The following OTOA variants were observed in gnomAD, a reference collection of about 807,000 sequenced individuals.
The protein encoded by OTOA is otoancorin, also known as cancer/testis antigen 108.
In OTOA, 70 loss-of-function variants were observed where a neutral mutation model predicts 110.8. That is an observed-to-expected ratio of 0.63 (90% confidence interval 0.52 to 0.77). The LOEUF (loss-of-function observed/expected upper bound fraction) is 0.77. OTOA is among the 30% of genes least tolerant of loss of function. The probability of loss-of-function intolerance (pLI) is 0.00; values close to 1 mark genes in which losing one functional copy is unlikely to be tolerated. For missense variants in OTOA, 917 were observed against 1,075.8 expected (o/e 0.85, Z 2.06); for synonymous variants, 373 against 431.5 (o/e 0.86, Z 1.68).
intron 22 of OTOA, among the ~76,000 whole-genome samples, chr16:21,738,729 G>C (rs1899430531): frequency 1.3e-5 from 2 of 152,292 alleles, no homozygotes; most frequent in African/African-American, 4.8e-5. Context: ...GGGTTTATAT[G>C]GGTACAGGAT....
chr16:21,714,985 G>A lies in OTOA; in HGVS notation c.1321G>A (p.Val441Met), dbSNP rs771476051. Residue 441 changes from valine (V) to methionine (M), a missense_variant and splice_region_variant, in exon 14 of 29, where the codon GTG becomes ATG. Physicochemically the swap from Val to Met is conservative, Grantham distance 21. Transcript: ENST00000646100. ...LSAKYLAHEK[V>M]LSFYNVSQMG... is the part of the protein sequence containing the mutation. ...GACTGCGCAGCCGCTCCTCTTCCAG[G>A]TGCTGTCTTTCTACAATGTCAGCCA... 1.9e-6 allele frequency: 3 copies of A among 1,614,128 alleles called. No homozygotes were observed. The highest frequency in any genetic ancestry group is 2.2e-5 in the East Asian group (1 of 44,884).
chr16:21,719,539 T>C (rs1898665174), intron 17 of OTOA, 35 bp downstream of exon 17: 1 of 1,571,238 alleles, frequency 6.4e-7, no homozygotes, highest in African/African-American at 1.3e-5. Context: ...TCTAATTCTC[T>C]CTCCCTACCC....
intron 28 of OTOA, among the ~76,000 whole-genome samples, chr16:21,760,074 T>C (rs912230889): frequency 6.6e-6 from 1 of 151,912 alleles, no homozygotes; most frequent in African/African-American, 2.4e-5. Context: ...AGGGCCTAAG[T>C]GAGGGCTGCC....
chr16:21,756,189 C>T (rs1440402019), intron 27 of OTOA, among the ~76,000 whole-genome samples: 7 of 151,616 alleles, frequency 4.6e-5, no homozygotes, highest in Admixed American at 3.3e-4. Flanking sequence ...CCCATTGGAA[C>T]GAGTCACCAA....
At chr16:21,701,153 C>T in intron 11 of OTOA, 126 bp downstream of exon 11, 4 of 1,405,178 alleles carry the variant, frequency 2.8e-6, no homozygotes, top group Non-Finnish European at 4.0e-6. Context: ...TGAATAGTCC[C>T]ATATTTCTCT....
intron 9 of OTOA, among the ~76,000 whole-genome samples, chr16:21,696,785 C>T (rs1045159651): frequency 6.6e-6 from 1 of 151,804 alleles, no homozygotes; most frequent in African/African-American, 2.4e-5. Context: ...CCACATCTGG[C>T]CTCATGTTTC....
Position 21,697,865 on chromosome 16 carries a change from G to A in OTOA, c.830G>A (p.Ser277Asn). ...HLSFEEITKI[S>N]PIEIGLFISY... ...TCGTTTGAAGAAATTACGAAAATTA[G>A]TCCTATAGAAGTAAGTTGGAAAAGT... Residue 277 changes from serine to asparagine, a missense_variant, in exon 10 of 29, where the codon AGT becomes AAT. Ser to Asn is a conservative substitution (Grantham distance 46). This residue lies in a region of OTOA where 840 missense variants were observed against 910.2 expected (regional missense o/e 0.92). Transcript: ENST00000646100. 1 of 1,613,636 alleles carries A rather than the reference G, an allele frequency of 6.2e-7. No homozygotes were observed. The highest frequency in any genetic ancestry group is 8.5e-7 in the Non-Finnish European group (1 of 1,179,632).
intron 1 of OTOA, among the ~76,000 whole-genome samples, chr16:21,676,722 GTAT>G (rs1251474935): frequency 6.6e-6 from 1 of 152,158 alleles, no homozygotes; most frequent in African/African-American, 2.4e-5. Flanking sequence ...TCCTCTCCAA[GTAT>G]TCTTCTTATG....
intron 1 of OTOA, among the ~76,000 whole-genome samples, chr16:21,667,323 A>G (rs1262604244): frequency 2.0e-5 from 3 of 152,196 alleles, no homozygotes; most frequent in Non-Finnish European, 4.4e-5. Flanking sequence ...CATTTGCATA[A>G]CAAGTTAGAC....
intron 12 of OTOA, among the ~76,000 whole-genome samples, chr16:21,708,552 A>G (rs1898261977): frequency 6.6e-6 from 1 of 152,106 alleles, no homozygotes; most frequent in Non-Finnish European, 1.5e-5. Context: ...GGTGTTGCAG[A>G]TGCCGCTGGG....
Position 21,719,451 on chromosome 16 carries a change from C to T in OTOA, c.1753C>T (p.Leu585=). The change falls in exon 17 of 29, where the codon CTG becomes TTG. Residue 585 remains leucine (L), a synonymous_variant. Coordinates refer to ENST00000646100, the MANE Select transcript of OTOA (RefSeq NM_144672.4). The part of the protein sequence containing the change: ...HIDAMSTDFF[L]AHFQDFQNNF... The stretch of plus-strand genomic sequence containing the variant: ...TGATGCCATGAGCACTGACTTCTTT[C>T]TGGCCCATTTCCAGGATTTTCAGAA... 1 of 1,614,192 alleles carries T rather than the reference C, an allele frequency of 6.2e-7. No individual in the cohort carries two copies. Among genetic ancestry groups the T allele is most frequent in the Non-Finnish European group, 8.5e-7 (1 of 1,180,040 alleles).
intron 9 of OTOA, among the ~76,000 whole-genome samples, chr16:21,692,812 C>G (rs772413512): frequency 1.3e-5 from 2 of 149,414 alleles, no homozygotes; most frequent in Non-Finnish European, 3.0e-5. Context: ...TCTGTAATCC[C>G]AGCTATTTGG....
At chr16:21,705,324 TG>T in intron 12 of OTOA, 32 bp downstream of exon 12, 1 of 1,612,964 alleles carries the variant, frequency 6.2e-7, no homozygotes, top group Non-Finnish European at 8.5e-7. Flanking sequence ...CTGAGGCCTC[TG>T]CCTCAGTGTC....
chr16:21,687,031 C>T (rs1897728659), intron 7 of OTOA, among the ~76,000 whole-genome samples: 1 of 152,266 alleles, frequency 6.6e-6, no homozygotes, highest in East Asian at 1.9e-4. Context: ...CCTGGGGCCA[C>T]ATAAGGGAGG....
At chr16:21,664,863 T>A (rs929184884) in intron 1 of OTOA, among the ~76,000 whole-genome samples, 1 of 151,834 alleles carries the variant, frequency 6.6e-6, no homozygotes, top group African/African-American at 2.4e-5. Flanking sequence ...TCTCAGCTAC[T>A]CCGGAGGCTG....
At chr16:21,756,603 C>A (rs570256755) in intron 27 of OTOA, among the ~76,000 whole-genome samples, 1 of 152,162 alleles carries the variant, frequency 6.6e-6, no homozygotes, top group South Asian at 2.1e-4. Flanking sequence ...TCCTGCATTG[C>A]ATTAAACAAC....
At chr16:21,665,308 G>T (rs1296383152) in intron 1 of OTOA, among the ~76,000 whole-genome samples, 3 of 152,180 alleles carry the variant, frequency 2.0e-5, no homozygotes, top group Admixed American at 2.0e-4. Context: ...CCTTGGGCAG[G>T]TCACTTGACC....
intron 12 of OTOA, among the ~76,000 whole-genome samples, chr16:21,705,975 A>C (rs917904955): frequency 1.3e-5 from 2 of 152,024 alleles, no homozygotes; most frequent in South Asian, 4.2e-4. Flanking sequence ...CTATAGTGCC[A>C]GCTACTTGGG....
intron 11 of OTOA, among the ~76,000 whole-genome samples, chr16:21,701,773 C>T (rs1898057952): frequency 6.6e-6 from 1 of 152,078 alleles, no homozygotes; most frequent in Non-Finnish European, 1.5e-5. Context: ...TGTGTGCCAC[C>T]ATGCCCAGCT....
Sources: allele counts gnomAD v4.1 joint callset (sites outside exome capture counted in the v4.1 genomes callset), GRCh38; gene constraint gnomAD v4.1.1; regional missense constraint gnomAD v4.1.1; transcripts MANE v1.5; gene names NCBI Gene and HGNC (gene_info 2026-07-23, HGNC 2026-07-21).